MACROD2: variants seen among roughly 807,000 people sequenced by gnomAD.
MACROD2 encodes the protein mono-ADP ribosylhydrolase 2.
MACROD2 carries 36 observed loss-of-function variants against 70.4 expected under a neutral mutation model. The ratio of observed to expected loss-of-function variants is 0.51; its 90% CI spans 0.39 to 0.68. MACROD2 has a LOEUF of 0.68. MACROD2 is among the 30% of genes least tolerant of loss of function. MACROD2 has a pLI of 0.00. For synonymous variants in MACROD2, 172 were observed against 178.8 expected (o/e 0.96, Z 0.30); for missense variants, 496 against 538.4 (o/e 0.92, Z 0.78).
chr20:14,688,817 T>C (rs751459602), intron 5 of MACROD2, among the ~76,000 whole-genome samples: 19 of 152,196 alleles, frequency 1.2e-4, no homozygotes, highest in Non-Finnish European at 1.3e-4. Flanking sequence ...TCAATCATAG[T>C]GTCTCCTAAA....
intron 8 of MACROD2, among the ~76,000 whole-genome samples, chr20:15,701,976 T>G (rs1314491606): frequency 6.6e-6 from 1 of 152,206 alleles, no homozygotes; most frequent in Non-Finnish European, 1.5e-5. Flanking sequence ...GCATCCATGG[T>G]GCTGCAAAAG....
intron 6 of MACROD2, among the ~76,000 whole-genome samples, chr20:15,425,779 A>G (rs1451449079): frequency 6.6e-6 from 1 of 152,202 alleles, no homozygotes; most frequent in African/African-American, 2.4e-5. Flanking sequence ...ACTGCTGTGT[A>G]AAAGTGGATG....
chr20:15,633,299 C>G (rs909741689), intron 8 of MACROD2, among the ~76,000 whole-genome samples: 1 of 152,092 alleles, frequency 6.6e-6, no homozygotes, highest in Non-Finnish European at 1.5e-5. Flanking sequence ...ACTCAATTTG[C>G]TGTATTCTTA....
chr20:15,486,660 T>A (rs968476178), intron 7 of MACROD2, among the ~76,000 whole-genome samples: 5 of 152,192 alleles, frequency 3.3e-5, no homozygotes, highest in African/African-American at 1.2e-4. Flanking sequence ...CAAATTGGTA[T>A]GAAGGATTTA....
At chr20:15,472,402 C>T (rs1267499705) in intron 7 of MACROD2, among the ~76,000 whole-genome samples, 1 of 152,118 alleles carries the variant, frequency 6.6e-6, no homozygotes, top group African/African-American at 2.4e-5. Context: ...GAAGACTATA[C>T]CCTTCTCTAA....
At chr20:14,206,102 G>T (rs572538191) in intron 3 of MACROD2, among the ~76,000 whole-genome samples, 149 of 152,290 alleles carry the variant, frequency 9.8e-4, no homozygotes, top group Middle Eastern at 6.8e-3. Context: ...ATGTCGGGGG[G>T]TGGGAGTGGG....
At chr20:15,368,521 G>T (rs2045444792) in intron 6 of MACROD2, among the ~76,000 whole-genome samples, 1 of 150,702 alleles carries the variant, frequency 6.6e-6, no homozygotes, top group African/African-American at 2.5e-5. Context: ...GAGTGCAGTG[G>T]CATGATCTTG....
chr20:15,387,064 G>T (rs756097671), intron 6 of MACROD2, among the ~76,000 whole-genome samples: 1 of 152,082 alleles, frequency 6.6e-6, no homozygotes. Context: ...TGAGAGAAAC[G>T]CCTGTTTCCC....
At chr20:14,692,213 A>G (rs758913940) in intron 5 of MACROD2, among the ~76,000 whole-genome samples, 1 of 152,162 alleles carries the variant, frequency 6.6e-6, no homozygotes, top group African/African-American at 2.4e-5. Flanking sequence ...AAGTTCTCCA[A>G]GTAACTCTAT....
chr20:14,547,385 A>G (rs566195747), intron 4 of MACROD2: 56 of 228,296 alleles, frequency 2.5e-4, no homozygotes, highest in African/African-American at 1.1e-3. Context: ...GATCTGATCT[A>G]TCTCTTCCAG....
chr20:14,729,765 A>G (rs1183686131), intron 5 of MACROD2, among the ~76,000 whole-genome samples: 2 of 150,844 alleles, frequency 1.3e-5, no homozygotes, highest in Non-Finnish European at 3.0e-5. Flanking sequence ...GAATAAAGTT[A>G]AAATGGTCAC....
At chr20:15,029,527 G>A (rs2075258612) in intron 5 of MACROD2, among the ~76,000 whole-genome samples, 1 of 152,118 alleles carries the variant, frequency 6.6e-6, no homozygotes, top group Non-Finnish European at 1.5e-5. Context: ...GATACTGCTA[G>A]TTTAGGGACC....
chr20:15,104,252 A>G (rs2075894684), intron 5 of MACROD2, among the ~76,000 whole-genome samples: 1 of 152,100 alleles, frequency 6.6e-6, no homozygotes, highest in Non-Finnish European at 1.5e-5. Flanking sequence ...TTCCAGAAAG[A>G]AATAGTATGA....
chr20:14,977,942 A>G (rs947363488), intron 5 of MACROD2, among the ~76,000 whole-genome samples: 1 of 152,164 alleles, frequency 6.6e-6, no homozygotes, highest in African/African-American at 2.4e-5. Context: ...CCATTCAAAA[A>G]TCCTTTGTTT....
chr20:14,304,684 C>T (rs1039450577), intron 3 of MACROD2, among the ~76,000 whole-genome samples: 4 of 152,110 alleles, frequency 2.6e-5, no homozygotes, highest in Non-Finnish European at 5.9e-5. Context: ...CTGGGTCAAT[C>T]CAGCCATCTA....
intron 11 of MACROD2, among the ~76,000 whole-genome samples, chr20:15,934,209 A>C (rs889154501): frequency 2.0e-5 from 3 of 152,212 alleles, no homozygotes; most frequent in Admixed American, 1.3e-4. Context: ...CTGTTTGCCA[A>C]GCACATCCTA....
chr20:15,940,978 G>A (rs917446314), intron 12 of MACROD2, among the ~76,000 whole-genome samples: 1 of 152,172 alleles, frequency 6.6e-6, no homozygotes, highest in South Asian at 2.1e-4. Flanking sequence ...ATGTGACCAT[G>A]TTTCAGGCTG....
intron 2 of MACROD2, among the ~76,000 whole-genome samples, chr20:14,061,914 TAATGTGTTTAAG>T (rs1354259511): frequency 6.6e-6 from 1 of 152,162 alleles, no homozygotes; most frequent in Non-Finnish European, 1.5e-5. Flanking sequence ...CCTCCAACTT[TAATGTGTTTAAG>T]AATGATCTTA....
intron 8 of MACROD2, among the ~76,000 whole-genome samples, chr20:15,550,645 A>G (rs1169544642): frequency 6.6e-6 from 1 of 152,204 alleles, no homozygotes; most frequent in Non-Finnish European, 1.5e-5. Flanking sequence ...CAGTTTTCAT[A>G]CTATGGTTTT....
Sources: allele counts gnomAD v4.1 joint callset (sites outside exome capture counted in the v4.1 genomes callset), GRCh38; gene constraint gnomAD v4.1.1; transcripts MANE v1.5; gene names NCBI Gene and HGNC (gene_info 2026-07-23, HGNC 2026-07-21).